Variants in FLNB observed in about 807,000 individuals in gnomAD.
FLNB encodes the protein filamin-B.
A neutral mutation model predicts 250.6 loss-of-function variants in FLNB; 111 were observed. The ratio of observed to expected loss-of-function variants is 0.44; its 90% CI spans 0.38 to 0.52. The LOEUF (loss-of-function observed/expected upper bound fraction) is 0.52, where lower values mean the gene tolerates loss of function less well. Among genes scored for constraint, FLNB ranks in the 20% least tolerant of loss-of-function variants. The pLI is 0.00. For missense variants in FLNB, 2,869 were observed against 3,447.8 expected (o/e 0.83, Z 4.20); for synonymous variants, 1,302 against 1,372.1 (o/e 0.95, Z 1.13).
chr3:58,130,009 G>C (rs2097304193), intron 24 of FLNB, among the ~76,000 whole-genome samples: 1 of 152,150 alleles, frequency 6.6e-6, no homozygotes, highest in South Asian at 2.1e-4. Flanking sequence ...AGGCCCTCAG[G>C]GTCCCCCGGG....
chr3:58,077,370 G>A (rs1023828250), intron 2 of FLNB, 76 bp downstream of exon 2: 3 of 1,531,578 alleles, frequency 2.0e-6, no homozygotes, highest in Non-Finnish European at 1.8e-6. Flanking sequence ...GTTTTCAACG[G>A]GAATGCTATC....
In FLNB at chr3:58,148,691, G is replaced by A. The variant is rs1412255952; in HGVS notation, c.5930G>A (p.Ser1977Asn). 6.2e-7 allele frequency: 1 copy of A among 1,614,140 alleles called. No individual in the cohort carries two copies. The highest frequency in any genetic ancestry group is 1.7e-5 in the Admixed American group (1 of 60,026). Residue 1977 changes from serine (S) to asparagine (N), a missense_variant, in exon 36 of 46, where the codon AGC becomes AAC. Ser to Asn is a conservative substitution (Grantham distance 46). Coordinates refer to ENST00000295956, the MANE Select transcript of FLNB (RefSeq NM_001457.4). ...IPREVGEHLVSIKKNGNHVAN... is the reference protein window; with the variant it reads ...IPREVGEHLVNIKKNGNHVAN... ...CGGGAAGTGGGCGAACATCTGGTCA[G>A]CATCAAGAAAAATGGCAACCATGTG...
At chr3:58,093,629 A>G (rs2097232051) in intron 4 of FLNB, among the ~76,000 whole-genome samples, 1 of 94,102 alleles carries the variant, frequency 1.1e-5, no homozygotes, top group Non-Finnish European at 2.1e-5. Context: ...TTTTATACTT[A>G]TGTTCACACA....
intron 25 of FLNB, chr3:58,132,041 C>A: frequency 1.4e-6 from 2 of 1,450,916 alleles, no homozygotes; most frequent in Non-Finnish European, 9.4e-7. Context: ...CCCATGGCTG[C>A]TGAATTATGT....
chr3:58,126,781 A>G lies in FLNB; in HGVS notation c.4222+19A>G. ...ATCCCCGGTGAGCTATTCCTCAGAG[A>G]GGACCCCAGAGAATAATTGATTTTG... On this transcript the variant is annotated intron_variant, in intron 24 of 45. Transcript: ENST00000295956. 3.1e-6 allele frequency: 5 copies of G among 1,609,962 alleles called. No homozygotes were observed. Among genetic ancestry groups the G allele is most frequent in the Non-Finnish European group, 3.4e-6 (4 of 1,176,584 alleles).
chr3:58,153,614 C>G lies in FLNB; in HGVS notation c.6607C>G (p.Leu2203Val), dbSNP rs1035667032. Residue 2203 changes from leucine (L) to valine (V), a missense_variant, in exon 39 of 46, where the codon CTG becomes GTG. Around this residue, in one of 5 missense-constraint regions of FLNB, gnomAD observed 1,084 missense variants for 1,315.5 expected, o/e 0.82. Coordinates refer to ENST00000295956, the MANE Select transcript of FLNB (RefSeq NM_001457.4). The stretch of plus-strand genomic sequence containing the variant: ...CAAGGTGCGGGCAGGAGGCCCTGGC[C>G]TGGAGAGAGGAGAAGCGGGAGTCCC... ...AHKVRAGGPG[L>V]ERGEAGVPAE... is the part of the protein sequence containing the mutation. 1 of 1,614,118 alleles carries G rather than the reference C, an allele frequency of 6.2e-7. No individual in the cohort carries two copies. Among genetic ancestry groups the G allele is most frequent in the African/African-American group, 1.3e-5 (1 of 75,070 alleles).
intron 12 of FLNB, 133 bp from the exon 13 acceptor site, chr3:58,108,325 C>G: frequency 1.4e-6 from 1 of 701,724 alleles, no homozygotes; most frequent in East Asian, 2.7e-5. Flanking sequence ...CCATAACCAA[C>G]CTCTTATGTG....
At chr3:58,019,195 G>A (rs920707871) in intron 1 of FLNB, among the ~76,000 whole-genome samples, 5 of 152,224 alleles carry the variant, frequency 3.3e-5, no homozygotes, top group Non-Finnish European at 5.9e-5. Flanking sequence ...AATGCTGCAC[G>A]CAGTACCATA....
At chr3:58,021,783 GT>G (rs1364366366) in intron 1 of FLNB, among the ~76,000 whole-genome samples, 1 of 109,534 alleles carries the variant, frequency 9.1e-6, no homozygotes, top group Admixed American at 1.1e-4. Context: ...TTTTGTTTTT[GT>G]TTTTTTTGGA....
At chr3:58,135,444 G>T (rs1190848707) in intron 27 of FLNB, among the ~76,000 whole-genome samples, 2 of 152,214 alleles carry the variant, frequency 1.3e-5, no homozygotes, top group African/African-American at 4.8e-5. Context: ...CAGGCCAGAA[G>T]GAGGAAGAAA....
chr3:58,145,858 G>T (rs1043743775), intron 32 of FLNB, 63 bp from the exon 33 acceptor site: 7 of 1,610,796 alleles, frequency 4.3e-6, no homozygotes, highest in Non-Finnish European at 5.9e-6. Context: ...GATGCCAGTT[G>T]TCCAGGGTCT....
intron 11 of FLNB, 77 bp downstream of exon 11, chr3:58,105,293 T>A (rs930762324): frequency 4.4e-6 from 7 of 1,588,180 alleles, no homozygotes; most frequent in Non-Finnish European, 6.0e-6. Context: ...AGGCTGGATG[T>A]TGGGGCCTTG....
At chr3:58,046,175 G>A (rs571807361) in intron 1 of FLNB, among the ~76,000 whole-genome samples, 1 of 152,154 alleles carries the variant, frequency 6.6e-6, no homozygotes, top group Non-Finnish European at 1.5e-5. Flanking sequence ...TGGTAGCTGG[G>A]CTGGGCTAGA....
Position 58,123,514 on chromosome 3 carries a change from A to C in FLNB, c.3548A>C (p.Gln1183Pro). The C allele has an allele frequency of 6.2e-7, 1 of 1,604,692 alleles. No homozygotes were observed. The highest frequency in any genetic ancestry group is 8.5e-7 in the Non-Finnish European group (1 of 1,174,726). The change falls in exon 21 of 46, where the codon CAG becomes CCG. Residue 1183 changes from glutamine to proline, a missense_variant. Gln to Pro is a moderately conservative substitution (Grantham distance 76). Coordinates refer to ENST00000295956, the MANE Select transcript of FLNB (RefSeq NM_001457.4). ...DSGTKAEVSI[Q>P]NNKDGTYAVT... is the part of the protein sequence containing the mutation. ...GGAACAAAAGCCGAAGTCAGTATTC[A>C]GAACAACAAAGATGGCACCTACGCG... is the stretch of plus-strand genomic sequence containing the variant.
Position 58,153,512 on chromosome 3 carries a change from G to T in FLNB, c.6505G>T (p.Val2169Phe), listed in dbSNP as rs202238767. 1.2e-6 allele frequency: 2 copies of T among 1,614,086 alleles called. No individual in the cohort carries two copies. Among genetic ancestry groups the T allele is most frequent in the Non-Finnish European group, 1.7e-6 (2 of 1,180,060 alleles). Residue 2169 changes from valine to phenylalanine, a missense_variant, in exon 39 of 46, where the codon GTC (valine) becomes TTC (phenylalanine). Coordinates refer to ENST00000295956, the MANE Select transcript of FLNB (RefSeq NM_001457.4). ...GGAGATGGGCGTGCACACGGTCAGC[G>T]TCAAGTACCGTGGGCAGCACGTCAC... ...PQEMGVHTVS[V>F]KYRGQHVTGS...
At position 58,008,431 on chromosome 3, in the gene FLNB, C is replaced by A. The variant is rs925674652; in HGVS notation, c.-134C>A. ...AGGGGCGGGCGGCCGCAGAGCAGCA[C>A]CGGCCGTGGCTCCGGTAGCAGCAAG... On this transcript the variant is annotated 5_prime_UTR_variant, in exon 1 of 46. Transcript: ENST00000295956. 2 of 1,094,748 alleles carry A rather than the reference C, an allele frequency of 1.8e-6. No individual in the cohort carries two copies. The highest frequency in any genetic ancestry group is 1.5e-5 in the African/African-American group (1 of 64,600). 67.8% of individuals were successfully genotyped at this position (1,094,748 alleles called of 1,614,324 possible).
At position 58,112,406 on chromosome 3, in the gene FLNB, G is replaced by A. The variant is rs997082017; in HGVS notation, c.2745+88G>A. Reference sequence around the variant, plus strand: ...GCTGGGTCACTGTGGACACCAAGGGGTGTGAGAGGTGCTCTGCCAAAGTGC... The same window carrying A: ...GCTGGGTCACTGTGGACACCAAGGGATGTGAGAGGTGCTCTGCCAAAGTGC... On this transcript the variant is annotated intron_variant, in intron 18 of 45. Coordinates refer to ENST00000295956, the MANE Select transcript of FLNB (RefSeq NM_001457.4). 8 of 1,353,660 alleles carry A rather than the reference G, an allele frequency of 5.9e-6. 1 individual carries two copies. Among genetic ancestry groups the A allele is most frequent in the Non-Finnish European group, 5.3e-6 (5 of 949,376 alleles). 83.9% of individuals were successfully genotyped at this position (1,353,660 alleles called of 1,614,324 possible).
In FLNB at chr3:58,138,417, A is replaced by C; in HGVS notation, c.4997A>C (p.Glu1666Ala). Residue 1666 changes from glutamate (E) to alanine (A), a missense_variant, in exon 29 of 46, where the codon GAG becomes GCG. Glu to Ala is a moderately radical substitution (Grantham distance 107). Transcript: ENST00000295956. Reference protein sequence around the residue: ...DGTEAEADVIENEDGTYDIFY... With the variant: ...DGTEAEADVIANEDGTYDIFY... ...ACTGAGGCCGAGGCCGATGTCATTG[A>C]GAATGAAGATGGAACCTATGACATC... 1 of 1,614,250 alleles carries C rather than the reference A, an allele frequency of 6.2e-7. No individual in the cohort carries two copies. The highest frequency in any genetic ancestry group is 8.5e-7 in the Non-Finnish European group (1 of 1,180,048).
chr3:58,146,117 C>T, intron 33 of FLNB, 68 bp downstream of exon 33: 1 of 1,580,290 alleles, frequency 6.3e-7, no homozygotes, highest in Non-Finnish European at 8.7e-7. Context: ...GACACGGTTC[C>T]AGGGTGGCTT....
Sources: allele counts gnomAD v4.1 joint callset (sites outside exome capture counted in the v4.1 genomes callset), GRCh38; gene constraint gnomAD v4.1.1; regional missense constraint gnomAD v4.1.1; transcripts MANE v1.5; gene names NCBI Gene and HGNC (gene_info 2026-07-23, HGNC 2026-07-21).